The following ROBO2 variants were observed in gnomAD, a reference collection of about 807,000 sequenced individuals.
ROBO2 encodes roundabout homolog 2.
A neutral mutation model predicts 160.8 loss-of-function variants in ROBO2; 53 were observed. The observed-to-expected ratio is 0.33, with a 90% CI of 0.26 to 0.41. ROBO2 has a LOEUF of 0.41. ROBO2 is among the 10% of genes least tolerant of loss of function. ROBO2 has a pLI of 1.00. For missense variants in ROBO2, 1,577 were observed against 1,722.4 expected (o/e 0.92, Z 1.49); for synonymous variants, 664 against 611.7 (o/e 1.09, Z -1.26).
chr3:77,332,646 TA>T (rs1553912898), intron 2 of ROBO2, among the ~76,000 whole-genome samples: 1 of 152,226 alleles, frequency 6.6e-6, no homozygotes, highest in Non-Finnish European at 1.5e-5. Flanking sequence ...ACATAATGTA[TA>T]TTTAGTACAT....
rs1308460279 is a variant in ROBO2 at position 76,908,898 on chromosome 3, TA to T, written c.110-189112del. Among the ~76,000 whole-genome samples the T allele has an allele frequency of 5.9e-5, 9 of 152,320 alleles. No homozygotes were observed. In the South Asian group the frequency reaches 1.7e-3, roughly 28 times the overall value. On this transcript the variant is annotated intron_variant, in intron 2 of 26. Coordinates refer to the ROBO2 transcript ENST00000487694. Reference sequence around the variant, plus strand: ...TAATTGAATCATTCCTTCAGTCGGATAAAACTAAAATAATGTGCAACCTTTT... The same window carrying T: ...TAATTGAATCATTCCTTCAGTCGGATAAACTAAAATAATGTGCAACCTTTT...
intron 2 of ROBO2, among the ~76,000 whole-genome samples, chr3:77,130,596 C>A (rs201692583): frequency 6.6e-6 from 1 of 152,196 alleles, no homozygotes; most frequent in African/African-American, 2.4e-5. Flanking sequence ...ACAGGCATCA[C>A]CTCACATACG....
chr3:75,943,359 T>G (rs2107102357), intron 2 of ROBO2, among the ~76,000 whole-genome samples: 1 of 152,282 alleles, frequency 6.6e-6, no homozygotes, highest in East Asian at 1.9e-4. Flanking sequence ...TGAAGCTGAA[T>G]TTATTTAGGA....
At chr3:76,938,286 G>A (rs931253034) in intron 2 of ROBO2, among the ~76,000 whole-genome samples, 7 of 151,946 alleles carry the variant, frequency 4.6e-5, no homozygotes, top group Admixed American at 2.0e-4. Flanking sequence ...CCCGGGAGGC[G>A]GACGCTGCAG....
chr3:77,470,146 T>C (rs1490812855), intron 2 of ROBO2, among the ~76,000 whole-genome samples: 2 of 152,220 alleles, frequency 1.3e-5, no homozygotes, highest in African/African-American at 4.8e-5. Context: ...ATGTCCCTGA[T>C]GAGCCTGGAG....
intron 2 of ROBO2, among the ~76,000 whole-genome samples, chr3:76,306,428 A>C (rs1020402938): frequency 6.6e-6 from 1 of 152,148 alleles, no homozygotes; most frequent in Non-Finnish European, 1.5e-5. Context: ...AAATAAATAA[A>C]AGGCAAGATG....
intron 2 of ROBO2, among the ~76,000 whole-genome samples, chr3:76,320,210 CAAT>C (rs1257855238): frequency 6.6e-6 from 1 of 152,048 alleles, no homozygotes; most frequent in African/African-American, 2.4e-5. Context: ...GTACCTTTAG[CAAT>C]AATATTTATT....
chr3:76,334,225 TA>T (rs1271724058), intron 2 of ROBO2, among the ~76,000 whole-genome samples: 1 of 152,204 alleles, frequency 6.6e-6, no homozygotes, highest in Non-Finnish European at 1.5e-5. Context: ...AAAACTATTT[TA>T]CATCAGTTAT....
chr3:77,027,717 G>C (rs1425002263), intron 2 of ROBO2, among the ~76,000 whole-genome samples: 1 of 152,140 alleles, frequency 6.6e-6, no homozygotes, highest in Non-Finnish European at 1.5e-5. Flanking sequence ...CAGAACTCTA[G>C]TAAGGGTGCT....
At chr3:77,475,110 A>G (rs1281315596) in intron 2 of ROBO2, among the ~76,000 whole-genome samples, 1 of 152,054 alleles carries the variant, frequency 6.6e-6, no homozygotes, top group Non-Finnish European at 1.5e-5. Flanking sequence ...TATCCTGAAG[A>G]CTTAGGGTTA....
At chr3:77,591,307 C>G (rs2094174556) in intron 17 of ROBO2, among the ~76,000 whole-genome samples, 1 of 152,056 alleles carries the variant, frequency 6.6e-6, no homozygotes, top group Non-Finnish European at 1.5e-5. Flanking sequence ...TTGCCTGCAA[C>G]AGTAAAGTTT....
At chr3:76,520,496 T>C (rs919249062) in intron 2 of ROBO2, among the ~76,000 whole-genome samples, 13 of 152,258 alleles carry the variant, frequency 8.5e-5, no homozygotes, top group Middle Eastern at 3.4e-3. Context: ...TAGCATCCTA[T>C]AAAGAGTAGT....
chr3:77,166,128 T>C (rs904306335), intron 2 of ROBO2, among the ~76,000 whole-genome samples: 51 of 152,158 alleles, frequency 3.4e-4, no homozygotes, highest in Non-Finnish European at 6.2e-4. Context: ...TGTGGTGGCA[T>C]GTGCCCGTAG....
At chr3:76,933,070 CATAAA>C (rs10604583) in intron 2 of ROBO2, among the ~76,000 whole-genome samples, 66,601 of 151,460 alleles carry the variant, frequency 0.44, 14,860 homozygotes, top group African/African-American at 0.51. Context: ...GGAAGTGAAA[CATAAA>C]ATAAAATGTA....
At chr3:77,042,440 G>A (rs901302266) in intron 1 of ROBO2, among the ~76,000 whole-genome samples, 5 of 152,160 alleles carry the variant, frequency 3.3e-5, no homozygotes, top group African/African-American at 7.2e-5. Flanking sequence ...AGAAATGCAT[G>A]TGTAAACTAT....
At chr3:77,499,770 T>C (rs2087303147) in intron 5 of ROBO2, among the ~76,000 whole-genome samples, 1 of 150,102 alleles carries the variant, frequency 6.7e-6, no homozygotes, top group Non-Finnish European at 1.5e-5. Flanking sequence ...TGCCCCAGCC[T>C]CCTGAGTAGC....
chr3:76,717,494 A>T (rs1448950888), intron 2 of ROBO2, among the ~76,000 whole-genome samples: 2 of 145,600 alleles, frequency 1.4e-5, no homozygotes, highest in Non-Finnish European at 3.0e-5. Flanking sequence ...CTGTCTCCAA[A>T]AAAAAAAAAA....
chr3:76,155,063 A>G (rs1224897814), intron 2 of ROBO2, among the ~76,000 whole-genome samples: 1 of 152,166 alleles, frequency 6.6e-6, no homozygotes, highest in Non-Finnish European at 1.5e-5. Context: ...CTGTTTTTCT[A>G]TGTGAACAGT....
At chr3:77,037,520 A>C (rs183188493), upstream of ROBO2, among the ~76,000 whole-genome samples, 3 of 152,304 alleles carry the variant, frequency 2.0e-5, no homozygotes, top group African/African-American at 7.2e-5. Flanking sequence ...CCTTATACAA[A>C]GCTCTTCTCT....
Sources: allele counts gnomAD v4.1 joint callset (sites outside exome capture counted in the v4.1 genomes callset), GRCh38; gene constraint gnomAD v4.1.1; transcripts MANE v1.5; gene names NCBI Gene and HGNC (gene_info 2026-07-23, HGNC 2026-07-21).